Variants in DAPK2 observed in about 807,000 individuals in gnomAD.
DAPK2 encodes the protein death-associated protein kinase 2.
In DAPK2, 35 loss-of-function variants were observed where a neutral mutation model predicts 44.1. The observed-to-expected ratio is 0.79, with a 90% CI of 0.61 to 1.05. The LOEUF (loss-of-function observed/expected upper bound fraction) is 1.05. Ranked by LOEUF, DAPK2 falls within the 50% of genes least tolerant of loss-of-function variation. The pLI is 0.00. For missense variants in DAPK2, 453 were observed against 483.2 expected (o/e 0.94, Z 0.59); for synonymous variants, 174 against 182.6 (o/e 0.95, Z 0.38).
At chr15:63,924,962 T>C (rs1476535492) in intron 7 of DAPK2, 101 bp from the exon 9 acceptor site, 3 of 1,310,758 alleles carry the variant, frequency 2.3e-6, no homozygotes, top group Non-Finnish European at 3.2e-6. Flanking sequence ...TGGCATTATT[T>C]GGCCACTGCC....
intron 3 of DAPK2, among the ~76,000 whole-genome samples, chr15:63,953,102 C>A (rs974964491): frequency 6.6e-6 from 1 of 151,936 alleles, no homozygotes; most frequent in African/African-American, 2.4e-5. Flanking sequence ...TACAATGAAC[C>A]CAATTTGCAG....
At chr15:63,911,238 A>AG (rs1178221045) in intron 10 of DAPK2, 1 of 151,482 alleles carries the variant, frequency 6.6e-6, no homozygotes, top group African/African-American at 2.4e-5. Context: ...AAAAAAAAAA[A>AG]AAAAAGAAGA....
exon 11 of DAPK2, chr15:63,907,646 C>T (rs974740302): frequency 6.6e-6 from 1 of 152,414 alleles, no homozygotes; most frequent in African/African-American, 2.4e-5. Flanking sequence ...GTCTCCAACT[C>T]CTGAGTTCAA....
rs1269251526 is a variant in DAPK2 at position 64,013,357 on chromosome 15, T to C, written c.92+26813A>G. Reference sequence around the variant, plus strand: ...TGCAAGTCACAAGACATTAAGTGAATGTGGGCAGTCTTAAGAGGCCAGGAA... The same window carrying C: ...TGCAAGTCACAAGACATTAAGTGAACGTGGGCAGTCTTAAGAGGCCAGGAA... On this transcript the variant is annotated intron_variant, in intron 1 of 10. Transcript: ENST00000261891. This position sits in a 1 kb window ranked among gnomAD's most constrained non-coding sequence, Gnocchi z 4.7. 6.6e-6 allele frequency among the ~76,000 whole-genome samples: 1 copy of C among 152,194 alleles called. No homozygotes were observed. The highest frequency in any genetic ancestry group is 1.5e-5 in the Non-Finnish European group (1 of 68,026).
intron 6 of DAPK2, among the ~76,000 whole-genome samples, chr15:63,929,236 A>G (rs2079433531): frequency 6.7e-6 from 1 of 149,942 alleles, no homozygotes; most frequent in African/African-American, 2.5e-5. Context: ...GAAAAGTGAC[A>G]TTCTCCAGTA....
At chr15:63,926,126 AG>A in intron 6 of DAPK2, 33 bp from the exon 8 acceptor site, 3 of 1,571,310 alleles carry the variant, frequency 1.9e-6, no homozygotes, top group Non-Finnish European at 2.6e-6. Context: ...CAAATAACTA[AG>A]GGAAAGTAGG....
chr15:64,028,679 T>A (rs1260275917), intron 1 of DAPK2, among the ~76,000 whole-genome samples: 1 of 152,146 alleles, frequency 6.6e-6, no homozygotes, highest in South Asian at 2.1e-4. Flanking sequence ...TAGTGAAGTA[T>A]TAAGGGGTGA....
chr15:63,962,496 T>A (rs2077934417), intron 3 of DAPK2, among the ~76,000 whole-genome samples: 1 of 152,232 alleles, frequency 6.6e-6, no homozygotes, highest in African/African-American at 2.4e-5. Flanking sequence ...GTACCTTTGG[T>A]CTTTGATGAT....
intron 1 of DAPK2, among the ~76,000 whole-genome samples, chr15:64,003,202 C>T (rs1452376050): frequency 2.0e-5 from 3 of 152,080 alleles, no homozygotes; most frequent in Non-Finnish European, 2.9e-5. Context: ...AATGGACAGA[C>T]GACCCCCTAC....
At chr15:63,965,986 C>T (rs1290784563) in intron 3 of DAPK2, among the ~76,000 whole-genome samples, 1 of 152,232 alleles carries the variant, frequency 6.6e-6, no homozygotes, top group Non-Finnish European at 1.5e-5. Flanking sequence ...AGGACAAAGT[C>T]CCCTTTATCA....
In DAPK2 at chr15:63,931,625, G is replaced by A. The variant is rs924672000; in HGVS notation, c.584-1170C>T. ...ACAATGAGCTTGAGGTGCCTGAGGG[G>A]CAGCCAGGGGAAGATGTCCAGGGGC... On this transcript the variant is annotated intron_variant, in intron 4 of 10. Transcript: ENST00000261891. 4.6e-5 allele frequency among the ~76,000 whole-genome samples: 7 copies of A among 152,178 alleles called. No individual in the cohort carries two copies. In the East Asian group the frequency reaches 1.4e-3, roughly 29 times the overall value.
exon 2 of DAPK2, chr15:63,983,557 G>A (rs779409838): frequency 6.2e-7 from 1 of 1,614,176 alleles, no homozygotes; most frequent in Non-Finnish European, 8.5e-7. Flanking sequence ...CACCACGTCG[G>A]TGCGGTTCTC....
chr15:64,019,035 G>A (rs1224984543), intron 1 of DAPK2, among the ~76,000 whole-genome samples: 1 of 152,178 alleles, frequency 6.6e-6, no homozygotes, highest in Non-Finnish European at 1.5e-5. Flanking sequence ...GGTGCCTGGT[G>A]TATGGTTGGT....
chr15:63,991,730 T>C (rs1057393278), intron 1 of DAPK2, among the ~76,000 whole-genome samples: 1 of 152,148 alleles, frequency 6.6e-6, no homozygotes, highest in Admixed American at 6.5e-5. Flanking sequence ...TTTCAAATCA[T>C]AAATGAAAAT....
intron 1 of DAPK2, among the ~76,000 whole-genome samples, chr15:63,998,324 C>T (rs2079001066): frequency 1.3e-5 from 2 of 152,234 alleles, no homozygotes; most frequent in African/African-American, 4.8e-5. Context: ...GCTGGCCACA[C>T]AAGCACATTC....
At position 63,916,886 on chromosome 15, in the gene DAPK2, C is replaced by T. The variant is rs2078942318; in HGVS notation, c.859-4689G>A. ...TTGTACTGTTATAAAACCCAAGAGA[C>T]TTGAGAGACGTAGCAACCAAATGCC... On this transcript the variant is annotated intron_variant, in intron 8 of 10. Transcript: ENST00000261891. This position sits in a 1 kb window ranked among gnomAD's most constrained non-coding sequence, Gnocchi z 4.7. The T allele has an allele frequency of 6.6e-6, 1 of 152,066 alleles. No individual in the cohort carries two copies. The highest frequency in any genetic ancestry group is 2.4e-5 in the African/African-American group (1 of 41,324). 9.4% of individuals were successfully genotyped at this position (152,066 alleles called of 1,614,324 possible).
chr15:64,042,876 G>A (rs1486227220), upstream of DAPK2, among the ~76,000 whole-genome samples: 17 of 152,176 alleles, frequency 1.1e-4, no homozygotes, highest in African/African-American at 2.4e-4. The surrounding 1 kb of genome is among the most constrained non-coding windows in gnomAD (Gnocchi z 4.7). Flanking sequence ...GTCTCTGTGC[G>A]GCTCCATGAT....
intron 1 of DAPK2, among the ~76,000 whole-genome samples, chr15:64,038,825 G>C (rs2080281644): frequency 6.6e-6 from 1 of 152,136 alleles, no homozygotes; most frequent in Non-Finnish European, 1.5e-5. Context: ...TAAGCTAAAG[G>C]GAAAAGTCAA....
intron 2 of DAPK2, 25 bp downstream of exon 3, chr15:63,983,508 T>C (rs1479634159): frequency 6.2e-7 from 1 of 1,605,118 alleles, no homozygotes; most frequent in Non-Finnish European, 8.5e-7. Flanking sequence ...CCCCCAACCC[T>C]GTGGGTCCTG....
Sources: gnomAD v4.1 joint callset for allele counts (sites outside exome capture counted in the v4.1 genomes callset) on GRCh38, gnomAD v4.1.1 for gene constraint, Gnocchi (gnomAD v3.1) non-coding constraint, MANE v1.5 for transcripts, NCBI Gene and HGNC (gene_info 2026-07-23, HGNC 2026-07-21) for gene names.